BAIAP2: variants seen among roughly 807,000 people sequenced by gnomAD.
The protein encoded by BAIAP2 is BAR/IMD domain containing adaptor protein 2, also known as BAR/IMD domain-containing adapter protein 2.
A neutral mutation model predicts 63.0 loss-of-function variants in BAIAP2; 18 were observed. The ratio of observed to expected loss-of-function variants is 0.29; its 90% CI spans 0.20 to 0.42. BAIAP2 has a LOEUF of 0.42. Among genes scored for constraint, BAIAP2 ranks in the 10% least tolerant of loss-of-function variants. BAIAP2 has a pLI of 1.00. For synonymous variants in BAIAP2, 386 were observed against 307.6 expected (o/e 1.25, Z -2.67); for missense variants, 610 against 734.3 (o/e 0.83, Z 1.96).
intron 1 of BAIAP2, among the ~76,000 whole-genome samples, chr17:81,038,742 C>G (rs1191619376): frequency 6.6e-6 from 1 of 152,214 alleles, no homozygotes; most frequent in Non-Finnish European, 1.5e-5. Flanking sequence ...GCTCCGTGCC[C>G]GGCTGCCCGG....
intron 6 of BAIAP2, among the ~76,000 whole-genome samples, chr17:81,091,979 G>A (rs554659072): frequency 6.6e-6 from 1 of 152,242 alleles, no homozygotes; most frequent in African/African-American, 2.4e-5. Context: ...CTGGACGGGC[G>A]CCCCCATCTA....
At chr17:81,073,436 CG>C (rs1568117987) in intron 3 of BAIAP2, among the ~76,000 whole-genome samples, 1 of 152,196 alleles carries the variant, frequency 6.6e-6, no homozygotes, top group African/African-American at 2.4e-5. Context: ...AAGCTGGTCT[CG>C]GGCCGTGCTT....
chr17:81,044,881 C>T (rs2047588891), intron 1 of BAIAP2, among the ~76,000 whole-genome samples: 1 of 152,250 alleles, frequency 6.6e-6, no homozygotes, highest in South Asian at 2.1e-4. Flanking sequence ...AGCCGGAATG[C>T]ACCGTCCCGT....
intron 2 of BAIAP2, chr17:81,057,666 G>C (rs1475081570): frequency 6.7e-6 from 9 of 1,348,496 alleles, no homozygotes; most frequent in Non-Finnish European, 7.6e-6. Flanking sequence ...GTGTTCTTAC[G>C]AGTCAAGGGA....
rs201984149 is a variant in BAIAP2 at position 81,116,263 on chromosome 17, G to T, written c.*424G>T. On this transcript the variant is annotated 3_prime_UTR_variant, in exon 14 of 14. Transcript: ENST00000428708. ...TGTCCGCCCAAGGGCCAGAAGGCCGGGAGCACGGGGATGGGAGCGCCCGCA... is the reference window on the plus strand; with the variant it reads ...TGTCCGCCCAAGGGCCAGAAGGCCGTGAGCACGGGGATGGGAGCGCCCGCA... 8.7e-6 allele frequency: 14 copies of T among 1,612,872 alleles called. No homozygotes were observed. The Admixed American group carries it at 2.2e-4, about 25-fold the overall frequency.
intron 6 of BAIAP2, among the ~76,000 whole-genome samples, chr17:81,092,000 C>T (rs574631766): frequency 2.0e-5 from 3 of 152,390 alleles, no homozygotes; most frequent in East Asian, 3.9e-4. Flanking sequence ...CAGGGCCCCC[C>T]ACCTCAGCTG....
At chr17:81,074,415 CGT>C (rs1463186412) in intron 3 of BAIAP2, among the ~76,000 whole-genome samples, 2 of 145,634 alleles carry the variant, frequency 1.4e-5, no homozygotes, top group Admixed American at 7.3e-5. Context: ...TGCATGGATG[CGT>C]GTGAGTACGT....
chr17:81,078,701 G>A (rs979710858), intron 3 of BAIAP2, among the ~76,000 whole-genome samples: 5 of 151,892 alleles, frequency 3.3e-5, no homozygotes, highest in East Asian at 3.9e-4. Context: ...GCGTGTTTGC[G>A]GCTGTTGGTG....
intron 6 of BAIAP2, among the ~76,000 whole-genome samples, chr17:81,089,059 C>T (rs1486512546): frequency 2.0e-5 from 3 of 152,254 alleles, no homozygotes; most frequent in Admixed American, 6.5e-5. Context: ...CTGCCCTCCG[C>T]GCTGCTCTGC....
rs1408745937 is a variant in BAIAP2, at chr17:81,081,205, T to G, written c.218-3627T>G. Among the ~76,000 whole-genome samples the G allele has an allele frequency of 5.3e-5, 8 of 152,164 alleles. No individual in the cohort carries two copies. In the East Asian group the frequency reaches 1.3e-3, roughly 26 times the overall value. Reference sequence around the variant, plus strand: ...ACCGCAGGACAGTTCCCTGGAGGCTTCCTGAGCCCAGAGGTCGTGGTGTCC... The same window carrying G: ...ACCGCAGGACAGTTCCCTGGAGGCTGCCTGAGCCCAGAGGTCGTGGTGTCC... On this transcript the variant is annotated intron_variant, in intron 3 of 13. Transcript: ENST00000428708.
At chr17:81,085,827 G>T in intron 5 of BAIAP2, 102 bp downstream of exon 5, 1 of 889,728 alleles carries the variant, frequency 1.1e-6, no homozygotes, top group Non-Finnish European at 1.8e-6. Context: ...CCACTTCCCC[G>T]AGCTCCCCGT....
chr17:81,115,706 C>T lies in BAIAP2; in HGVS notation c.1536-64C>T. The T allele has an allele frequency of 4.4e-6, 7 of 1,599,462 alleles. 1 individual carries two copies. In the Admixed American group the frequency reaches 5.0e-5, roughly 11 times the overall value. Reference sequence around the variant, plus strand: ...GGGAATCCCTGGGGCATCGGGCAGCCCAGGTGGCACAATTCACCCATGGCT... The same window carrying T: ...GGGAATCCCTGGGGCATCGGGCAGCTCAGGTGGCACAATTCACCCATGGCT... On this transcript the variant is annotated intron_variant, in intron 13 of 13. Transcript: ENST00000428708.
At position 81,105,002 on chromosome 17, in the gene BAIAP2, G is replaced by GATCTCCCCCAATGGCAGGT. The variant is rs879442271; in HGVS notation, c.1268+306_1268+324dup. 2.7e-3 allele frequency: 934 copies of GATCTCCCCCAATGGCAGGT among 350,262 alleles called. 5 individuals carry two copies. The highest frequency in any genetic ancestry group is 4.4e-3 in the Admixed American group (102 of 23,370). 21.7% of individuals were successfully genotyped at this position (350,262 alleles called of 1,614,324 possible). A position where few individuals can be genotyped will look rare whatever the true frequency, so the allele number is the denominator to read the frequency against. ...GCAGGGATCTCCCCCCAACGGCAGG[G>GATCTCCCCCAATGGCAGGT]ATCTCCCCCAATGGCAGGTATCTCC... On this transcript the variant is annotated intron_variant, in intron 10 of 13. Transcript: ENST00000428708.
intron 1 of BAIAP2, among the ~76,000 whole-genome samples, chr17:81,037,905 C>T (rs906857999): frequency 6.6e-5 from 10 of 152,264 alleles, no homozygotes; most frequent in Admixed American, 1.3e-4. Flanking sequence ...CGTAAGAATC[C>T]GTAACGCAGA....
At chr17:81,109,326 G>A in intron 13 of BAIAP2, 1 of 1,146,762 alleles carries the variant, frequency 8.7e-7, no homozygotes, top group Non-Finnish European at 1.1e-6. Context: ...GCTTTTCTAA[G>A]GCTCGCCGTG....
chr17:81,064,127 A>T (rs1278143664), intron 3 of BAIAP2, among the ~76,000 whole-genome samples: 2 of 152,058 alleles, frequency 1.3e-5, no homozygotes, highest in African/African-American at 2.4e-5. Context: ...AGTGGTGCCA[A>T]CCCTGGCTGC....
chr17:81,035,707 C>G (rs2046142461), intron 1 of BAIAP2, among the ~76,000 whole-genome samples: 1 of 151,766 alleles, frequency 6.6e-6, no homozygotes, highest in African/African-American at 2.4e-5. Context: ...CGGGCAGGGC[C>G]GGGGCGGCGG....
At chr17:81,080,223 T>A (rs1443293978) in intron 3 of BAIAP2, among the ~76,000 whole-genome samples, 1 of 152,176 alleles carries the variant, frequency 6.6e-6, no homozygotes, top group Non-Finnish European at 1.5e-5. Flanking sequence ...CACACACTCA[T>A]GCTCCCGGCT....
chr17:81,088,794 G>T (rs1335559401), intron 6 of BAIAP2, among the ~76,000 whole-genome samples: 1 of 152,246 alleles, frequency 6.6e-6, no homozygotes, highest in Non-Finnish European at 1.5e-5. Flanking sequence ...CCGTCTCCCT[G>T]GCACGGCCGG....
Sources: gnomAD v4.1 joint callset for allele counts (sites outside exome capture counted in the v4.1 genomes callset) on GRCh38, gnomAD v4.1.1 for gene constraint, MANE v1.5 for transcripts, NCBI Gene and HGNC (gene_info 2026-07-23, HGNC 2026-07-21) for gene names.